Variants in KIF2C observed in about 807,000 individuals in gnomAD.
KIF2C encodes the protein kinesin family member 2C, also known as kinesin-like protein KIF2C.
Under a neutral mutation model 97.4 loss-of-function variants are expected in KIF2C, and 34 were observed. The observed-to-expected ratio is 0.35, with a 90% CI of 0.27 to 0.46. The LOEUF is 0.46. KIF2C is among the 20% of genes least tolerant of loss of function. The probability of loss-of-function intolerance (pLI) is 1.00; values close to 1 mark genes in which losing one functional copy is unlikely to be tolerated. For missense variants in KIF2C, 750 were observed against 907.6 expected, an observed-to-expected ratio of 0.83 and a Z score of 2.23; for synonymous variants, 313 against 318.2, an observed-to-expected ratio of 0.98 and a Z score of 0.17.
At chr1:44,763,746 C>T (rs1019382221) in intron 19 of KIF2C, among the ~76,000 whole-genome samples, 1 of 152,092 alleles carries the variant, frequency 6.6e-6, no homozygotes, top group African/African-American at 2.4e-5. Context: ...TCAAGAAAAA[C>T]TATTGCCAGC....
chr1:44,762,073 G>A, intron 17 of KIF2C, 90 bp downstream of exon 17: 1 of 1,173,318 alleles, frequency 8.5e-7, no homozygotes, highest in Non-Finnish European at 1.3e-6. Flanking sequence ...GGGGCCTCAG[G>A]GCCTACTGTA....
intron 16 of KIF2C, among the ~76,000 whole-genome samples, chr1:44,761,624 AAAG>A (rs1487568975): frequency 5.3e-5 from 8 of 150,690 alleles, no homozygotes; most frequent in Admixed American, 4.6e-4. Context: ...AAAAAAGAAA[AAAG>A]AAAAAGATAG....
In KIF2C at chr1:44,762,605, C is replaced by G. The variant is rs1215066684; in HGVS notation, c.1918C>G (p.Gln640Glu). The change falls in exon 19 of 21, where the codon CAG becomes GAG. Residue 640 changes from glutamine to glutamate, a missense_variant. Transcript: ENST00000372224. Reference sequence around the variant, plus strand: ...GTCCAGCTTTAACGAAGCCATGACTCAGATCAGGGAGCTGGAGGAGAAGGC... The same window carrying G: ...GTCCAGCTTTAACGAAGCCATGACTGAGATCAGGGAGCTGGAGGAGAAGGC... ...QMSSFNEAMT[Q>E]IRELEEKAME... 1 of 1,614,096 alleles carries G rather than the reference C, an allele frequency of 6.2e-7. No individual in the cohort carries two copies. The highest frequency in any genetic ancestry group is 8.5e-7 in the Non-Finnish European group (1 of 1,180,008).
chr1:44,767,402 GA>G lies in KIF2C; in HGVS notation c.*224del, dbSNP rs1223044780. On this transcript the variant is annotated 3_prime_UTR_variant, in exon 21 of 21. Transcript: ENST00000372224. ...CAGTTGTCGCCCTCACGAGAGGAAG[GA>G]GCTCTTAGTTACCCTTTTGTGTTGC... The G allele has an allele frequency of 2.1e-6, 1 of 476,328 alleles. No homozygotes were observed. Among genetic ancestry groups the G allele is most frequent in the African/African-American group, 2.0e-5 (1 of 50,902 alleles). The allele number at this position is 476,328 out of a possible 1,614,324, so 29.5% of individuals were successfully genotyped here.
At chr1:44,764,746 T>C (rs1415299065) in intron 19 of KIF2C, among the ~76,000 whole-genome samples, 2 of 151,634 alleles carry the variant, frequency 1.3e-5, no homozygotes, top group African/African-American at 4.8e-5. Flanking sequence ...CTACCTCAGG[T>C]GATCCTCCCG....
intron 19 of KIF2C, 144 bp downstream of exon 19, chr1:44,762,802 C>G (rs1573577015): frequency 3.3e-6 from 2 of 602,544 alleles, no homozygotes; most frequent in Non-Finnish European, 5.9e-6. Context: ...CTCTTTAATT[C>G]TTTGCCTGTT....
In KIF2C at chr1:44,760,636, C is replaced by T. The variant is rs1193122296; in HGVS notation, c.1617C>T (p.Phe539=). The T allele has an allele frequency of 6.2e-7, 1 of 1,614,076 alleles. No individual in the cohort carries two copies. Among genetic ancestry groups the T allele is most frequent in the East Asian group, 2.2e-5 (1 of 44,892 alleles). The change falls in exon 16 of 21, where the codon TTC becomes TTT. Residue 539 remains phenylalanine (F), a synonymous_variant. Coordinates refer to ENST00000372224, the MANE Select transcript of KIF2C (RefSeq NM_006845.4). This position sits in a 1 kb window ranked among gnomAD's most constrained non-coding sequence, Gnocchi z 4.2. ...GACAGAACAAGGCTCACACCCCGTT[C>T]CGTGAGAGCAAGCTGACACAGGTGC... The part of the protein sequence containing the change: ...ALGQNKAHTP[F]RESKLTQVLR...
intron 8 of KIF2C, among the ~76,000 whole-genome samples, chr1:44,755,418 A>T (rs1016658470): frequency 2.6e-5 from 4 of 152,204 alleles, no homozygotes; most frequent in Admixed American, 2.6e-4. Flanking sequence ...GGCATGTGCC[A>T]CCACGCCTAG....
intron 2 of KIF2C, among the ~76,000 whole-genome samples, chr1:44,741,465 G>T (rs1180837248): frequency 6.6e-6 from 1 of 151,738 alleles, no homozygotes; most frequent in African/African-American, 2.4e-5. Context: ...CTGGAGGATT[G>T]CTTGAGCTCA....
chr1:44,760,814 T>C lies in KIF2C; in HGVS notation c.1683+112T>C, dbSNP rs779027439. 52 of 844,870 alleles carry C rather than the reference T, an allele frequency of 6.2e-5. No homozygotes were observed. Among genetic ancestry groups the C allele is most frequent in the Non-Finnish European group, 9.2e-5 (48 of 519,004 alleles). 52.3% of individuals were successfully genotyped at this position (844,870 alleles called of 1,614,324 possible). On this transcript the variant is annotated intron_variant, in intron 16 of 20. Coordinates refer to ENST00000372224, the MANE Select transcript of KIF2C (RefSeq NM_006845.4). The surrounding 1 kb of genome is among the most constrained non-coding windows in gnomAD (Gnocchi z 4.2). ...AGCTCAGCACTGCTGGCTGCCTGGG[T>C]TTCCAGGCTGTACCGTGACTGGGCT...
Position 44,755,947 on chromosome 1 carries a change from T to C in KIF2C, c.778T>C (p.Cys260Arg). Reference sequence around the variant, plus strand: ...CTTGCAGATCGAAGAGCACAGAATATGTGTCTGTGTTAGGAAACGCCCACT... The same window carrying C: ...CTTGCAGATCGAAGAGCACAGAATACGTGTCTGTGTTAGGAAACGCCCACT... The part of the protein sequence containing the change: ...MTDPIEEHRI[C>R]VCVRKRPLNK... The change falls in exon 9 of 21, where the codon TGT (cysteine) becomes CGT (arginine). Residue 260 changes from cysteine to arginine, a missense_variant. Transcript: ENST00000372224. 6.2e-7 allele frequency: 1 copy of C among 1,614,094 alleles called. No individual in the cohort carries two copies. Among genetic ancestry groups the C allele is most frequent in the Non-Finnish European group, 8.5e-7 (1 of 1,179,986 alleles).
intron 8 of KIF2C, 21 bp from the exon 9 acceptor site, chr1:44,755,908 C>T (rs1187530742): frequency 1.6e-5 from 25 of 1,612,808 alleles, no homozygotes; most frequent in Non-Finnish European, 1.9e-5. Context: ...CTGTTGGTTG[C>T]CTCCTCTCAT....
chr1:44,756,795 G>T (rs1219308535), intron 10 of KIF2C, among the ~76,000 whole-genome samples: 1 of 150,040 alleles, frequency 6.7e-6, no homozygotes, highest in Non-Finnish European at 1.5e-5. Flanking sequence ...CAGGTGATCC[G>T]CTCGCCTTGG....
chr1:44,747,329 A>T, intron 2 of KIF2C, 55 bp from the exon 3 acceptor site: 6 of 1,391,518 alleles, frequency 4.3e-6, no homozygotes, highest in Non-Finnish European at 6.0e-6. Context: ...AAAAGAAAAA[A>T]TGTATTTGGA....
chr1:44,742,824 G>T (rs1165044692), intron 2 of KIF2C, among the ~76,000 whole-genome samples: 1 of 152,060 alleles, frequency 6.6e-6, no homozygotes, highest in Non-Finnish European at 1.5e-5. Context: ...TCAGTTTGGT[G>T]AATGAAATCA....
At chr1:44,743,682 C>T (rs1649043448) in intron 2 of KIF2C, among the ~76,000 whole-genome samples, 1 of 152,132 alleles carries the variant, frequency 6.6e-6, no homozygotes, top group African/African-American at 2.4e-5. Flanking sequence ...GTCCCAGCTA[C>T]TCCAGAGGCT....
Position 44,760,897 on chromosome 1 carries a change from G to A in KIF2C, c.1683+195G>A. On this transcript the variant is annotated intron_variant, in intron 16 of 20. Transcript: ENST00000372224. This position sits in a 1 kb window ranked among gnomAD's most constrained non-coding sequence, Gnocchi z 4.2. The stretch of plus-strand genomic sequence containing the variant: ...GTGGCCTAACCAAGCGTGGAGGAAA[G>A]GATCTATTCCCTTTAAGATGTGTAG... 3.5e-6 allele frequency: 2 copies of A among 578,532 alleles called. No individual in the cohort carries two copies. The highest frequency in any genetic ancestry group is 2.9e-5 in the East Asian group (1 of 34,154). 35.8% of individuals were successfully genotyped at this position (578,532 alleles called of 1,614,324 possible).
At chr1:44,753,656 C>T in intron 6 of KIF2C, 77 bp from the exon 7 acceptor site, 2 of 975,926 alleles carry the variant, frequency 2.0e-6, no homozygotes, top group Non-Finnish European at 3.1e-6. Flanking sequence ...AGTAAATAGC[C>T]AGAGAAGAGT....
At chr1:44,743,440 G>A (rs1171531040) in intron 2 of KIF2C, among the ~76,000 whole-genome samples, 1 of 152,172 alleles carries the variant, frequency 6.6e-6, no homozygotes, top group Non-Finnish European at 1.5e-5. Context: ...CACTTATTGG[G>A]TGCTAGGGAT....
Sources: gnomAD v4.1 joint callset for allele counts (sites outside exome capture counted in the v4.1 genomes callset) on GRCh38, gnomAD v4.1.1 for gene constraint, Gnocchi (gnomAD v3.1) non-coding constraint, MANE v1.5 for transcripts, NCBI Gene and HGNC (gene_info 2026-07-23, HGNC 2026-07-21) for gene names.